The following TMEM131 variants were observed in gnomAD, a reference collection of about 807,000 sequenced individuals.
The protein encoded by TMEM131 is transmembrane protein 131.
A neutral mutation model predicts 211.6 loss-of-function variants in TMEM131; 66 were observed. The ratio of observed to expected loss-of-function variants is 0.31; its 90% confidence interval spans 0.26 to 0.38. The LOEUF (loss-of-function observed/expected upper bound fraction) is 0.38, where lower values mean the gene tolerates loss of function less well. TMEM131 is among the 10% of genes least tolerant of loss of function. The pLI is 1.00. For synonymous variants in TMEM131, 844 were observed against 841.3 expected, an observed-to-expected ratio of 1.00 and a Z score of -0.06; for missense variants, 2,036 against 2,299.3, an observed-to-expected ratio of 0.89 and a Z score of 2.34.
intron 32 of TMEM131, among the ~76,000 whole-genome samples, chr2:97,772,826 G>A (rs1486254855): frequency 6.6e-6 from 1 of 152,260 alleles, no homozygotes; most frequent in Non-Finnish European, 1.5e-5. Flanking sequence ...GAACTGGGGA[G>A]GCAGGGGTTG....
intron 18 of TMEM131, among the ~76,000 whole-genome samples, chr2:97,810,009 G>A (rs1244219430): frequency 6.6e-6 from 1 of 151,822 alleles, no homozygotes; most frequent in Non-Finnish European, 1.5e-5. Context: ...TTGAAAACAC[G>A]TAAAAAAGAC....
chr2:97,849,971 T>C (rs752359606), intron 5 of TMEM131, among the ~76,000 whole-genome samples: 6 of 151,998 alleles, frequency 3.9e-5, no homozygotes, highest in Non-Finnish European at 8.8e-5. Context: ...CCCACACTTT[T>C]TATTGTTGTG....
intron 1 of TMEM131, among the ~76,000 whole-genome samples, chr2:97,993,452 C>T (rs1421679805): frequency 1.3e-5 from 2 of 152,174 alleles, no homozygotes; most frequent in South Asian, 2.1e-4. Flanking sequence ...AGAAACAATA[C>T]TGGAATATGA....
chr2:97,869,821 CACA>C (rs979803911), intron 4 of TMEM131, among the ~76,000 whole-genome samples: 56 of 152,134 alleles, frequency 3.7e-4, no homozygotes, highest in African/African-American at 1.2e-3. Context: ...AACAAATTAC[CACA>C]AACTTTGAGG....
chr2:97,889,202 G>T (rs546470697), intron 3 of TMEM131, among the ~76,000 whole-genome samples: 65 of 152,122 alleles, frequency 4.3e-4, no homozygotes, highest in Non-Finnish European at 7.6e-4. Context: ...ACATTCTTTT[G>T]TGTAGCTTAA....
At chr2:97,933,037 T>C (rs548131248) in intron 1 of TMEM131, among the ~76,000 whole-genome samples, 1 of 152,214 alleles carries the variant, frequency 6.6e-6, no homozygotes, top group Non-Finnish European at 1.5e-5. Context: ...TAGTAACATG[T>C]TGTACAGGCT....
chr2:97,938,025 A>T (rs1239134191), intron 1 of TMEM131, among the ~76,000 whole-genome samples: 1 of 152,228 alleles, frequency 6.6e-6, no homozygotes, highest in Non-Finnish European at 1.5e-5. Context: ...CTCCTGAAAG[A>T]AGCACTAAAC....
intron 4 of TMEM131, among the ~76,000 whole-genome samples, chr2:97,886,750 C>T (rs13008503): frequency 0.68 from 103,426 of 152,120 alleles, 36,495 homozygotes; most frequent in Non-Finnish European, 0.75. Flanking sequence ...AGCACAAGCA[C>T]GTGTTTAGTT....
chr2:97,859,013 CA>C (rs1673960180), intron 5 of TMEM131, among the ~76,000 whole-genome samples: 1 of 152,136 alleles, frequency 6.6e-6, no homozygotes, highest in Non-Finnish European at 1.5e-5. Context: ...ACAACTAACA[CA>C]ATGCGAAGGA....
chr2:97,889,635 C>A (rs1236806764), intron 3 of TMEM131, among the ~76,000 whole-genome samples: 1 of 150,128 alleles, frequency 6.7e-6, no homozygotes, highest in Non-Finnish European at 1.5e-5. Context: ...TATATTAATT[C>A]CATGGACTGT....
chr2:97,795,046 C>G lies in TMEM131; in HGVS notation c.3270G>C (p.Glu1090Asp). The G allele has an allele frequency of 6.2e-7, 1 of 1,613,926 alleles. No homozygotes were observed. Among genetic ancestry groups the G allele is most frequent in the Non-Finnish European group, 8.5e-7 (1 of 1,179,812 alleles). Residue 1090 changes from glutamate to aspartate, a missense_variant, in exon 29 of 41, where the codon GAG becomes GAC. By Grantham distance (45) the Glu-to-Asp change is conservative. Coordinates refer to ENST00000186436, the MANE Select transcript of TMEM131 (RefSeq NM_015348.2). ...GGGATGCATTCAATATAAATACAAA[C>G]TCAGAGCCACTGGTTGTTATAAACT... ...ELKFITTSGS[E>D]FVFILNASLP...
chr2:97,980,934 C>G (rs928434172), intron 1 of TMEM131, among the ~76,000 whole-genome samples: 18 of 143,638 alleles, frequency 1.3e-4, no homozygotes, highest in Non-Finnish European at 4.5e-5. Context: ...GGAGATAGCA[C>G]AGGTTTTGGA....
chr2:97,924,853 A>C (rs1444580876), intron 2 of TMEM131, among the ~76,000 whole-genome samples: 2 of 152,100 alleles, frequency 1.3e-5, no homozygotes, highest in Non-Finnish European at 2.9e-5. Flanking sequence ...GGTGCAAAAT[A>C]AATTTAAGGG....
intron 1 of TMEM131, among the ~76,000 whole-genome samples, chr2:97,959,303 A>T (rs1432881785): frequency 6.6e-6 from 1 of 152,208 alleles, no homozygotes; most frequent in African/African-American, 2.4e-5. Flanking sequence ...ATACAAGGTC[A>T]TCTGTGTCTC....
chr2:97,974,738 G>T (rs536220924), intron 1 of TMEM131, among the ~76,000 whole-genome samples: 1 of 151,684 alleles, frequency 6.6e-6, no homozygotes, highest in South Asian at 2.1e-4. Flanking sequence ...ATGTCGACCT[G>T]TAATTCTATA....
At chr2:97,757,477 C>T in intron 40 of TMEM131, 94 bp from the exon 41 acceptor site, 4 of 1,336,428 alleles carry the variant, frequency 3.0e-6, no homozygotes, top group South Asian at 1.4e-5. Context: ...GAGGCTGGGG[C>T]ACGCATTCCT....
At chr2:97,959,660 A>G (rs1343830274) in intron 1 of TMEM131, among the ~76,000 whole-genome samples, 2 of 152,178 alleles carry the variant, frequency 1.3e-5, no homozygotes, top group East Asian at 3.8e-4. Context: ...AGATCCCTTA[A>G]GAACAAAGAC....
At chr2:97,871,295 C>T (rs1381945074) in intron 4 of TMEM131, among the ~76,000 whole-genome samples, 1 of 152,168 alleles carries the variant, frequency 6.6e-6, no homozygotes, top group Non-Finnish European at 1.5e-5. Flanking sequence ...TCCAAGCTGT[C>T]CTTTGTCATT....
At position 97,973,351 on chromosome 2, in the gene TMEM131, G is replaced by A. The variant is rs547664333; in HGVS notation, c.187+22125C>T. Among the ~76,000 whole-genome samples the A allele has an allele frequency of 5.3e-5, 8 of 152,294 alleles. No homozygotes were observed. The South Asian group carries it at 1.7e-3, about 32-fold the overall frequency. On this transcript the variant is annotated intron_variant, in intron 1 of 40. Coordinates refer to ENST00000186436, the MANE Select transcript of TMEM131 (RefSeq NM_015348.2). ...GATCATTTTCAGACCCTAAACATCA[G>A]TCAACGAAGGACATGGGAAACAAAC...
Sources: allele counts gnomAD v4.1 joint callset (sites outside exome capture counted in the v4.1 genomes callset), GRCh38; gene constraint gnomAD v4.1.1; transcripts MANE v1.5; gene names NCBI Gene and HGNC (gene_info 2026-07-23, HGNC 2026-07-21).